The following PTPRD variants were observed in gnomAD, a reference collection of about 807,000 sequenced individuals.
PTPRD encodes protein tyrosine phosphatase receptor type D.
PTPRD carries 34 observed loss-of-function variants against 214.5 expected under a neutral mutation model. That is an observed-to-expected ratio of 0.16 (90% CI 0.12 to 0.21). The LOEUF (loss-of-function observed/expected upper bound fraction) is 0.21. PTPRD is among the 10% of genes least tolerant of loss of function. PTPRD has a pLI of 1.00. For synonymous variants in PTPRD, 1,128 were observed against 845.7 expected, an observed-to-expected ratio of 1.33 and a Z score of -5.79; for missense variants, 2,545 against 2,398.7, an observed-to-expected ratio of 1.06 and a Z score of -1.27.
intron 9 of PTPRD, among the ~76,000 whole-genome samples, chr9:9,246,839 A>G (rs371824763): frequency 2.0e-5 from 3 of 152,024 alleles, no homozygotes; most frequent in East Asian, 3.9e-4. Flanking sequence ...TAAGGAAGGA[A>G]GAAGAATGTT....
intron 12 of PTPRD, among the ~76,000 whole-genome samples, chr9:8,666,625 T>G (rs939335623): frequency 6.6e-6 from 1 of 152,212 alleles, no homozygotes; most frequent in African/African-American, 2.4e-5. Context: ...AGAAAATACA[T>G]GCACTCCTCT....
intron 3 of PTPRD, among the ~76,000 whole-genome samples, chr9:10,138,966 A>AC (rs2098962271): frequency 1.3e-5 from 2 of 151,564 alleles, no homozygotes; most frequent in African/African-American, 2.4e-5. Context: ...AACTGCAACC[A>AC]CCCCCCTTGA....
At chr9:9,195,502 G>A (rs934113346) in intron 9 of PTPRD, among the ~76,000 whole-genome samples, 1 of 152,024 alleles carries the variant, frequency 6.6e-6, no homozygotes, top group Non-Finnish European at 1.5e-5. Flanking sequence ...GACTGTGCTG[G>A]TCTGTTTCAG....
intron 10 of PTPRD, among the ~76,000 whole-genome samples, chr9:9,101,101 C>CGAG (rs201606126): frequency 0.13 from 19,687 of 150,406 alleles, 1,500 homozygotes; most frequent in East Asian, 0.23. Flanking sequence ...CAATGTAAAA[C>CGAG]AGAGAGAGAG....
At chr9:10,400,140 T>C (rs1378117017) in intron 2 of PTPRD, among the ~76,000 whole-genome samples, 13 of 151,832 alleles carry the variant, frequency 8.6e-5, no homozygotes, top group Non-Finnish European at 1.8e-4. Flanking sequence ...TCTCGTCTCC[T>C]TCACTTATGT....
intron 14 of PTPRD, among the ~76,000 whole-genome samples, chr9:8,600,566 G>A (rs1441315054): frequency 5.9e-5 from 9 of 151,870 alleles, no homozygotes; most frequent in African/African-American, 2.4e-5. Context: ...CATCTTGGAT[G>A]CCCACACAGC....
chr9:8,813,241 G>A (rs536620171), intron 11 of PTPRD, among the ~76,000 whole-genome samples: 4 of 152,066 alleles, frequency 2.6e-5, no homozygotes, highest in Admixed American at 2.0e-4. Flanking sequence ...GAGACCAGAC[G>A]AGGAGGAAGC....
chr9:8,468,871 T>C (rs2096597929), intron 31 of PTPRD, among the ~76,000 whole-genome samples: 1 of 150,644 alleles, frequency 6.6e-6, no homozygotes, highest in African/African-American at 2.4e-5. Flanking sequence ...GGCCATAGCC[T>C]ACTTTCATTT....
chr9:10,264,280 C>T (rs2093902615), intron 3 of PTPRD, among the ~76,000 whole-genome samples: 2 of 152,220 alleles, frequency 1.3e-5, no homozygotes, highest in South Asian at 4.2e-4. Flanking sequence ...ATTGTAGATC[C>T]ATTGACAGCT....
intron 7 of PTPRD, among the ~76,000 whole-genome samples, chr9:9,684,170 A>C (rs1237427038): frequency 2.0e-5 from 3 of 151,720 alleles, no homozygotes; most frequent in Non-Finnish European, 3.0e-5. Flanking sequence ...TTGGTTAAAA[A>C]AAAAGACCTT....
At chr9:9,603,741 T>C (rs1337801874) in intron 7 of PTPRD, among the ~76,000 whole-genome samples, 2 of 152,168 alleles carry the variant, frequency 1.3e-5, no homozygotes, top group East Asian at 3.8e-4. Flanking sequence ...AAAGTTGCCT[T>C]CCATGAATCA....
intron 10 of PTPRD, among the ~76,000 whole-genome samples, chr9:9,055,719 A>C (rs2099694974): frequency 6.6e-6 from 1 of 151,266 alleles, no homozygotes; most frequent in South Asian, 2.1e-4. Context: ...TAAATATTTT[A>C]TATATATTTT....
Position 8,955,018 on chromosome 9 carries a change from T to C in PTPRD, c.-104+63679A>G, listed in dbSNP as rs76853442. 6.3e-3 allele frequency among the ~76,000 whole-genome samples: 959 copies of C among 151,882 alleles called. 10 individuals are homozygous for C. The highest frequency in any genetic ancestry group is 0.022 in the African/African-American group (914 of 41,478). Reference sequence around the variant, plus strand: ...AGGCTGTTGTACTTTTAAAATGATATTGAAAAATTAGGCAGCATCTAAGAA... The same window carrying C: ...AGGCTGTTGTACTTTTAAAATGATACTGAAAAATTAGGCAGCATCTAAGAA... On this transcript the variant is annotated intron_variant, in intron 11 of 45. Coordinates refer to ENST00000381196, the MANE Select transcript of PTPRD (RefSeq NM_002839.4).
At chr9:10,174,677 G>A (rs2099235609) in intron 3 of PTPRD, among the ~76,000 whole-genome samples, 1 of 151,580 alleles carries the variant, frequency 6.6e-6, no homozygotes, top group Non-Finnish European at 1.5e-5. Context: ...CAAAAAAAGT[G>A]AAATCAACTA....
intron 37 of PTPRD, among the ~76,000 whole-genome samples, chr9:8,388,217 C>G (rs1473144914): frequency 6.6e-6 from 1 of 152,170 alleles, no homozygotes; most frequent in Non-Finnish European, 1.5e-5. Context: ...CCCTCATATA[C>G]ACGCCCAGGC....
At chr9:9,636,483 T>G (rs576681780) in intron 7 of PTPRD, among the ~76,000 whole-genome samples, 119 of 152,064 alleles carry the variant, frequency 7.8e-4, no homozygotes, top group African/African-American at 2.8e-3. Flanking sequence ...TATATAGATA[T>G]TGATATAGAT....
chr9:9,867,535 C>A (rs1003216525), intron 5 of PTPRD, among the ~76,000 whole-genome samples: 1 of 152,052 alleles, frequency 6.6e-6, no homozygotes, highest in African/African-American at 2.4e-5. Context: ...CTCAGAGGAA[C>A]TGAGATTCAA....
intron 5 of PTPRD, among the ~76,000 whole-genome samples, chr9:9,926,213 G>T (rs556797229): frequency 1.0e-3 from 156 of 152,192 alleles, no homozygotes; most frequent in Non-Finnish European, 1.7e-3. Flanking sequence ...TCAAGCCCTT[G>T]AAAACTCAGT....
intron 11 of PTPRD, among the ~76,000 whole-genome samples, chr9:8,876,784 C>A (rs2098395670): frequency 6.6e-6 from 1 of 152,116 alleles, no homozygotes. Flanking sequence ...ATTAAAAATG[C>A]AAGTAAGTTT....
Sources: gnomAD v4.1 joint callset for allele counts (sites outside exome capture counted in the v4.1 genomes callset) on GRCh38, gnomAD v4.1.1 for gene constraint, MANE v1.5 for transcripts, NCBI Gene and HGNC (gene_info 2026-07-23, HGNC 2026-07-21) for gene names.